Variants in RETREG1 observed in about 807,000 individuals in gnomAD.
RETREG1 encodes reticulophagy regulator 1.
Under a neutral mutation model 54.8 loss-of-function variants are expected in RETREG1, and 44 were observed. The ratio of observed to expected loss-of-function variants is 0.80; its 90% confidence interval spans 0.63 to 1.03. The LOEUF is 1.03. Among genes scored for constraint, RETREG1 ranks in the 50% least tolerant of loss-of-function variants. The pLI is 0.00. For synonymous variants in RETREG1, 217 were observed against 238.5 expected (o/e 0.91, Z 0.83); for missense variants, 554 against 605.1 (o/e 0.92, Z 0.89).
At chr5:16,582,305 G>T (rs1742506500) in intron 1 of RETREG1, among the ~76,000 whole-genome samples, 1 of 152,150 alleles carries the variant, frequency 6.6e-6, no homozygotes, top group Non-Finnish European at 1.5e-5. Context: ...CATCACCCAG[G>T]TGACTCATGT....
Position 16,568,718 on chromosome 5 carries a change from G to A in RETREG1, c.428-2925C>T, listed in dbSNP as rs371772507. 1.1e-3 allele frequency among the ~76,000 whole-genome samples: 168 copies of A among 152,268 alleles called. 1 individual carries two copies. The highest frequency in any genetic ancestry group is 3.8e-3 in the African/African-American group (157 of 41,566). Reference sequence around the variant, plus strand: ...GAACAGGGGAAAGGGGGACTTGGCTGTTCAATGGGAACAGAGTTGCAGTCA... The same window carrying A: ...GAACAGGGGAAAGGGGGACTTGGCTATTCAATGGGAACAGAGTTGCAGTCA... On this transcript the variant is annotated intron_variant, in intron 2 of 8. Coordinates refer to ENST00000306320, the MANE Select transcript of RETREG1 (RefSeq NM_001034850.3).
At chr5:16,556,349 A>AGAGGG in intron 3 of RETREG1, among the ~76,000 whole-genome samples, 1 of 151,956 alleles carries the variant, frequency 6.6e-6, no homozygotes, top group Non-Finnish European at 1.5e-5. Flanking sequence ...TTTAGTAGAG[A>AGAGGG]CGGGGTTTCA....
At chr5:16,540,713 A>C (rs1435852796) in intron 3 of RETREG1, among the ~76,000 whole-genome samples, 2 of 152,170 alleles carry the variant, frequency 1.3e-5, no homozygotes, top group African/African-American at 4.8e-5. Flanking sequence ...AGAAGAACCA[A>C]ACAGGAAACA....
At chr5:16,576,294 CT>C (rs70940380) in intron 1 of RETREG1, among the ~76,000 whole-genome samples, 37,737 of 125,144 alleles carry the variant, frequency 0.3, 3,777 homozygotes, top group Middle Eastern at 0.39. Flanking sequence ...TTTTCTTTTT[CT>C]TTTTTTTTTT....
rs1468523663 is a variant in RETREG1 at position 16,481,038 on chromosome 5, A to C, written c.641T>G (p.Ile214Ser). The C allele has an allele frequency of 1.2e-6, 2 of 1,611,924 alleles. No homozygotes were observed. Among genetic ancestry groups the C allele is most frequent in the South Asian group, 1.1e-5 (1 of 91,040 alleles). The change falls in exon 5 of 9, where the codon ATT (isoleucine) becomes AGT (serine). Residue 214 changes from isoleucine (I) to serine (S), a missense_variant. By Grantham distance (142) the Ile-to-Ser change is moderately radical. Around this residue, in one of 4 missense-constraint regions of RETREG1, gnomAD observed 347 missense variants for 412.3 expected, o/e 0.84. Coordinates refer to ENST00000306320, the MANE Select transcript of RETREG1 (RefSeq NM_001034850.3). Reference protein sequence around the residue: ...CTFFTILGSYIPGVILSYLLL... With the variant: ...CTFFTILGSYSPGVILSYLLL... The stretch of plus-strand genomic sequence containing the variant: ...TAGATAGCTGAGTATAACCCCAGGA[A>C]TGTAACTTCCCAAGATCGTAAAAAA...
chr5:16,487,713 G>A (rs960734314), intron 3 of RETREG1, among the ~76,000 whole-genome samples: 4 of 152,198 alleles, frequency 2.6e-5, no homozygotes, highest in African/African-American at 7.2e-5. Flanking sequence ...CCTAAGCCAG[G>A]GCAAAGTCCT....
chr5:16,496,566 A>G (rs749785803), intron 3 of RETREG1, among the ~76,000 whole-genome samples: 4 of 152,278 alleles, frequency 2.6e-5, no homozygotes, highest in African/African-American at 4.8e-5. Flanking sequence ...GAGCCTAGGA[A>G]ACATAGTTCA....
chr5:16,500,348 A>T (rs981830811), intron 3 of RETREG1, among the ~76,000 whole-genome samples: 3 of 152,118 alleles, frequency 2.0e-5, no homozygotes, highest in Non-Finnish European at 4.4e-5. Flanking sequence ...TGGTTTTAAG[A>T]AGGCAGTTTA....
intron 3 of RETREG1, among the ~76,000 whole-genome samples, chr5:16,528,761 G>A (rs529934338): frequency 2.6e-5 from 4 of 152,276 alleles, no homozygotes; most frequent in Admixed American, 1.3e-4. Context: ...ATATTAAAAC[G>A]GGGATGGAGA....
In RETREG1 at chr5:16,585,608, A is replaced by G. The variant is rs1355420346; in HGVS notation, c.321-13506T>C. Among the ~76,000 whole-genome samples the G allele has an allele frequency of 6.6e-6, 1 of 152,178 alleles. No individual in the cohort carries two copies. The highest frequency in any genetic ancestry group is 1.5e-5 in the Non-Finnish European group (1 of 68,028). ...CAAGTTCTGCAGCCCACTCCAGCTG[A>G]GCTAGGTACTAGGCCATTCTTGCAT... On this transcript the variant is annotated intron_variant, in intron 1 of 8. Coordinates refer to ENST00000306320, the MANE Select transcript of RETREG1 (RefSeq NM_001034850.3). This position sits in a 1 kb window ranked among gnomAD's most constrained non-coding sequence, Gnocchi z 4.5.
chr5:16,532,676 CTAAG>C (rs1197442955), intron 3 of RETREG1, among the ~76,000 whole-genome samples: 4 of 152,326 alleles, frequency 2.6e-5, no homozygotes, highest in East Asian at 1.9e-4. Flanking sequence ...AAGTTAAAGT[CTAAG>C]TGAGCACAGT....
chr5:16,478,191 A>T, intron 6 of RETREG1, 93 bp from the exon 7 acceptor site: 1 of 758,732 alleles, frequency 1.3e-6, no homozygotes, highest in Middle Eastern at 2.7e-4. Flanking sequence ...CACATTTCTC[A>T]TATTCTCCAA....
Position 16,593,869 on chromosome 5 carries a change from T to C in RETREG1, c.321-21767A>G, listed in dbSNP as rs896262425. 4.2e-4 allele frequency among the ~76,000 whole-genome samples: 64 copies of C among 152,218 alleles called. No individual in the cohort carries two copies. Among genetic ancestry groups the C allele is most frequent in the African/African-American group, 1.4e-3 (58 of 41,454 alleles). On this transcript the variant is annotated intron_variant, in intron 1 of 8. Transcript: ENST00000306320. This position sits in a 1 kb window ranked among gnomAD's most constrained non-coding sequence, Gnocchi z 4.9. ...GCAGCAGATGCACCTCCGTCAAATC[T>C]AAGCAGCCATGTTTACTGTGAAAGC...
intron 1 of RETREG1, among the ~76,000 whole-genome samples, chr5:16,577,400 G>A (rs893575789): frequency 6.6e-6 from 1 of 151,734 alleles, no homozygotes; most frequent in Non-Finnish European, 1.5e-5. Context: ...ACTATTGGCA[G>A]CCACAGACAA....
chr5:16,599,689 A>C (rs1383347394), intron 1 of RETREG1, among the ~76,000 whole-genome samples: 1 of 152,216 alleles, frequency 6.6e-6, no homozygotes, highest in African/African-American at 2.4e-5. Context: ...GCATTCAGGT[A>C]GGGAGGCCAG....
At chr5:16,577,438 G>T (rs552852630) in intron 1 of RETREG1, among the ~76,000 whole-genome samples, 6 of 152,058 alleles carry the variant, frequency 3.9e-5, no homozygotes, top group Admixed American at 2.0e-4. Flanking sequence ...ATTCCTCAGA[G>T]GCTACAAGGG....
chr5:16,563,738 T>C (rs575289941), intron 3 of RETREG1, among the ~76,000 whole-genome samples: 6 of 152,212 alleles, frequency 3.9e-5, no homozygotes, highest in Admixed American at 6.5e-5. Context: ...TAGATAGAAA[T>C]TGTTTTTATT....
At chr5:16,506,193 ATT>A (rs1031943284) in intron 3 of RETREG1, among the ~76,000 whole-genome samples, 1 of 152,140 alleles carries the variant, frequency 6.6e-6, no homozygotes, top group Admixed American at 6.5e-5. Context: ...GCTTCCACTG[ATT>A]TTTTTAAAAA....
At chr5:16,550,933 G>C (rs1237838442) in intron 3 of RETREG1, among the ~76,000 whole-genome samples, 2 of 152,152 alleles carry the variant, frequency 1.3e-5, no homozygotes, top group Non-Finnish European at 2.9e-5. Flanking sequence ...GTTGTCAGGA[G>C]CCGCAGGGAG....
Sources: gnomAD v4.1 joint callset for allele counts (sites outside exome capture counted in the v4.1 genomes callset) on GRCh38, gnomAD v4.1.1 for gene constraint, gnomAD v4.1.1 regional missense constraint, Gnocchi (gnomAD v3.1) non-coding constraint, MANE v1.5 for transcripts, NCBI Gene and HGNC (gene_info 2026-07-23, HGNC 2026-07-21) for gene names.